The following RGSL1 variants were observed in gnomAD, a reference collection of about 807,000 sequenced individuals.
The protein encoded by RGSL1 is regulator of G protein signaling like 1.
RGSL1 carries 97 observed loss-of-function variants against 124.7 expected under a neutral mutation model. The ratio of observed to expected loss-of-function variants is 0.78; its 90% CI spans 0.66 to 0.92. The LOEUF is 0.92. Ranked by LOEUF, RGSL1 falls within the 40% of genes least tolerant of loss-of-function variation. RGSL1 has a pLI of 0.00. For synonymous variants in RGSL1, 424 were observed against 438.1 expected (o/e 0.97, Z 0.40); for missense variants, 1,233 against 1,288.4 (o/e 0.96, Z 0.66).
intron 6 of RGSL1, among the ~76,000 whole-genome samples, chr1:182,480,460 GTTT>G: frequency 7.0e-6 from 1 of 142,180 alleles, no homozygotes; most frequent in Admixed American, 7.1e-5. Context: ...AACATTACAA[GTTT>G]TTTTTTTTTT....
intron 4 of RGSL1, among the ~76,000 whole-genome samples, chr1:182,465,804 A>G (rs1394920107): frequency 6.6e-6 from 1 of 151,956 alleles, no homozygotes; most frequent in Non-Finnish European, 1.5e-5. Flanking sequence ...TCACTTTCTC[A>G]CTCCTTCTTT....
chr1:182,486,539 G>C (rs574790192), intron 6 of RGSL1, among the ~76,000 whole-genome samples: 1 of 151,158 alleles, frequency 6.6e-6, no homozygotes, highest in East Asian at 2.0e-4. Context: ...GTAGAGCTGG[G>C]GTTTCACCAT....
intron 10 of RGSL1, among the ~76,000 whole-genome samples, chr1:182,526,578 A>G (rs4102076): frequency 0.76 from 114,836 of 151,898 alleles, 43,842 homozygotes; most frequent in African/African-American, 0.86. Flanking sequence ...GGGGCTAAGC[A>G]GGGAGATCAC....
chr1:182,470,595 A>T (rs1322909112), intron 4 of RGSL1, among the ~76,000 whole-genome samples: 2 of 151,938 alleles, frequency 1.3e-5, no homozygotes, highest in Non-Finnish European at 2.9e-5. Flanking sequence ...CCCGTTCCAC[A>T]TTTTTTCTAT....
intron 4 of RGSL1, among the ~76,000 whole-genome samples, chr1:182,469,753 G>A (rs922727500): frequency 4.6e-5 from 7 of 152,142 alleles, no homozygotes; most frequent in African/African-American, 1.7e-4. Context: ...AACAGTCCAA[G>A]AAACCATCAA....
intron 21 of RGSL1, among the ~76,000 whole-genome samples, chr1:182,557,446 G>T (rs1332769433): frequency 6.6e-6 from 1 of 152,194 alleles, no homozygotes; most frequent in Non-Finnish European, 1.5e-5. Flanking sequence ...CATGAAACTA[G>T]AGAGGATGTT....
intron 9 of RGSL1, among the ~76,000 whole-genome samples, chr1:182,498,200 C>T (rs1656071796): frequency 6.6e-6 from 1 of 151,836 alleles, no homozygotes; most frequent in Non-Finnish European, 1.5e-5. Flanking sequence ...TAATTCATTA[C>T]TGTGATTATT....
rs1660220284 is a variant in RGSL1 at position 182,546,523 on chromosome 1, A to G, written c.2670-1794A>G. On this transcript the variant is annotated intron_variant, in intron 15 of 21. Coordinates refer to ENST00000294854, the MANE Select transcript of RGSL1 (RefSeq NM_001137669.2). ...ATTCTCTTGCCTCAGCCTCCCAAGT[A>G]GCTGGGACTACAGGCACATGCCACC... 2.0e-5 allele frequency among the ~76,000 whole-genome samples: 3 copies of G among 152,158 alleles called. No individual in the cohort carries two copies. In the South Asian group the frequency reaches 6.2e-4, roughly 32 times the overall value.
intron 9 of RGSL1, among the ~76,000 whole-genome samples, chr1:182,503,089 C>T (rs1416308127): frequency 1.3e-5 from 2 of 152,174 alleles, no homozygotes; most frequent in East Asian, 3.8e-4. Flanking sequence ...CTATGGAGAA[C>T]AATTTGGAGA....
In RGSL1 at chr1:182,556,217, C is replaced by CA. The variant is rs971543728; in HGVS notation, c.*162dup. The CA allele has an allele frequency of 7.4e-6, 5 of 676,398 alleles. No homozygotes were observed. The highest frequency in any genetic ancestry group is 1.3e-5 in the Non-Finnish European group (5 of 393,842). The allele number at this position is 676,398 out of a possible 1,614,324, so 41.9% of individuals were successfully genotyped here. ...GCCCAGATATGGCAGGACCAGACTG[C>CA]AATGGGTAAGACTTGGGCAGAGCAT... On this transcript the variant is annotated 3_prime_UTR_variant, in exon 21 of 22. Coordinates refer to ENST00000294854, the MANE Select transcript of RGSL1 (RefSeq NM_001137669.2).
At chr1:182,537,830 T>C (rs58499156) in intron 14 of RGSL1, among the ~76,000 whole-genome samples, 2,475 of 152,298 alleles carry the variant, frequency 0.016, 60 homozygotes, top group African/African-American at 0.053. Flanking sequence ...GGGTACTTCC[T>C]TCATATCTTG....
intron 17 of RGSL1, chr1:182,550,885 T>G (rs59250418): frequency 0.017 from 9,560 of 549,930 alleles, 700 homozygotes; most frequent in African/African-American, 0.16. Context: ...AAACTGCCCA[T>G]GCCAGGCCCG....
At chr1:182,541,365 A>G (rs530926310) in intron 15 of RGSL1, among the ~76,000 whole-genome samples, 5 of 152,242 alleles carry the variant, frequency 3.3e-5, no homozygotes, top group Admixed American at 3.3e-4. Flanking sequence ...TAACATAATC[A>G]CCTACAGCTC....
At chr1:182,488,556 C>T (rs1456824777) in intron 7 of RGSL1, 1 of 530,876 alleles carries the variant, frequency 1.9e-6, no homozygotes, top group African/African-American at 1.9e-5. Context: ...GAAACCCCGT[C>T]TCTACTAAAA....
intron 6 of RGSL1, among the ~76,000 whole-genome samples, chr1:182,487,499 C>G (rs1655180387): frequency 6.6e-6 from 1 of 152,200 alleles, no homozygotes; most frequent in Non-Finnish European, 1.5e-5. Context: ...TACTGCATGG[C>G]ATGATCTTTA....
intron 3 of RGSL1, 26 bp downstream of exon 3, chr1:182,458,419 G>C (rs1190101052): frequency 6.6e-7 from 1 of 1,513,702 alleles, no homozygotes; most frequent in Non-Finnish European, 9.0e-7. Flanking sequence ...CAGAGGTAGA[G>C]AGTTTAGGGT....
chr1:182,472,813 C>G (rs1465341544), intron 5 of RGSL1, among the ~76,000 whole-genome samples: 1 of 152,148 alleles, frequency 6.6e-6, no homozygotes, highest in African/African-American at 2.4e-5. Context: ...GGAATTGGGG[C>G]AGGATACTTG....
At chr1:182,506,500 A>C (rs983741390) in intron 9 of RGSL1, among the ~76,000 whole-genome samples, 1 of 53,736 alleles carries the variant, frequency 1.9e-5, no homozygotes, top group Non-Finnish European at 4.6e-5. Context: ...TTTTTCTCTA[A>C]TAACACTTCC....
chr1:182,448,227 TTTG>T (rs1651590843), upstream of RGSL1: 1 of 154,154 alleles, frequency 6.5e-6, no homozygotes, highest in South Asian at 2.1e-4. Context: ...TGTTTGTTTG[TTTG>T]TTTGTTTTTG....
Sources: gnomAD v4.1 joint callset for allele counts (sites outside exome capture counted in the v4.1 genomes callset) on GRCh38, gnomAD v4.1.1 for gene constraint, MANE v1.5 for transcripts, NCBI Gene and HGNC (gene_info 2026-07-23, HGNC 2026-07-21) for gene names.